Variants in ZNF394 observed in about 807,000 individuals in gnomAD.
The protein encoded by ZNF394 is zinc finger protein 99.
Under a neutral mutation model 21.8 loss-of-function variants are expected in ZNF394, and 19 were observed. That is an observed-to-expected ratio of 0.87 (90% CI 0.61 to 1.28). ZNF394 has a LOEUF of 1.28. ZNF394 is among the 50% of genes most tolerant of loss of function. ZNF394 has a pLI of 0.00. For synonymous variants in ZNF394, 294 were observed against 273.3 expected, an observed-to-expected ratio of 1.08 and a Z score of -0.75; for missense variants, 683 against 708.6, an observed-to-expected ratio of 0.96 and a Z score of 0.41.
At chr7:99,492,582 G>A (rs985720792), downstream of ZNF394, among the ~76,000 whole-genome samples, 1 of 148,356 alleles carries the variant, frequency 6.7e-6, no homozygotes, top group African/African-American at 2.5e-5. Context: ...GGAGGTTGCA[G>A]TGAGCCAAGA....
In ZNF394 at chr7:99,493,447, G is replaced by A. The variant is rs548681261; in HGVS notation, c.*82C>T. The stretch of plus-strand genomic sequence containing the variant: ...CATTTTTGTATTTTTAGTAGAGACA[G>A]GATTTTACCATGTTGGCCAGGCTGG... On this transcript the variant is annotated 3_prime_UTR_variant, in exon 3 of 3. Transcript: ENST00000337673. The A allele has an allele frequency of 5.8e-4, 747 of 1,282,578 alleles. 4 individuals are homozygous for A. Among genetic ancestry groups the A allele is most frequent in the South Asian group, 3.9e-3 (272 of 69,232 alleles). 79.4% of individuals were successfully genotyped at this position (1,282,578 alleles called of 1,614,324 possible).
rs1562896556 is a variant in ZNF394, at chr7:99,500,276, G to GA, written c.-184dup. On this transcript the variant is annotated 5_prime_UTR_variant, in exon 1 of 3. Coordinates refer to ENST00000337673, the MANE Select transcript of ZNF394 (RefSeq NM_032164.4). ...CTACAACTCTCTCGGTCAAACAACCGAAAACATCCCGTGCCGGAAGCGCGT... is the reference window on the plus strand; with the variant it reads ...CTACAACTCTCTCGGTCAAACAACCGAAAAACATCCCGTGCCGGAAGCGCGT... 5 of 558,744 alleles carry GA rather than the reference G, an allele frequency of 8.9e-6. No individual in the cohort carries two copies. The highest frequency in any genetic ancestry group is 1.2e-5 in the Non-Finnish European group (4 of 336,994). The allele number at this position is 558,744 out of a possible 1,614,324, so 34.6% of individuals were successfully genotyped here. A position where few individuals can be genotyped will look rare whatever the true frequency, so the allele number is the denominator to read the frequency against.
Position 99,498,779 on chromosome 7 carries a change from G to T in ZNF394, c.520C>A (p.Pro174Thr). 1 of 1,614,018 alleles carries T rather than the reference G, an allele frequency of 6.2e-7. No individual in the cohort carries two copies. Residue 174 changes from proline to threonine, a missense_variant, in exon 2 of 3, where the codon CCA becomes ACA. Coordinates refer to ENST00000337673, the MANE Select transcript of ZNF394 (RefSeq NM_032164.4). Reference sequence around the variant, plus strand: ...TCTCTGCAGAAGTCCCTCCGTGCTGGGTCCAGGCGCTCCCACTCCTCCCAG... The same window carrying T: ...TCTCTGCAGAAGTCCCTCCGTGCTGTGTCCAGGCGCTCCCACTCCTCCCAG... ...LTWEEWERLD[P>T]ARRDFCRESA... is the part of the protein sequence containing the mutation.
rs147821097 is a variant in ZNF394, at chr7:99,493,551, C to T, written c.1664G>A (p.Gly555Glu). The T allele has an allele frequency of 2.6e-4, 416 of 1,608,728 alleles. No homozygotes were observed. The highest frequency in any genetic ancestry group is 3.3e-4 in the Non-Finnish European group (390 of 1,176,766). Residue 555 changes from glycine to glutamate, a missense_variant, in exon 3 of 3, where the codon GGG (glycine) becomes GAG (glutamate). Transcript: ENST00000337673. Reference sequence around the variant, plus strand: ...GGATTATAGGCGTGAGCCACCACGCCCAGCCGACAGCACTTTATTTTGATG... The same window carrying T: ...GGATTATAGGCGTGAGCCACCACGCTCAGCCGACAGCACTTTATTTTGATG... ...RIHQNKVLSA[G>E]RGGSRL is the part of the protein sequence containing the mutation.
intron 2 of ZNF394, among the ~76,000 whole-genome samples, chr7:99,497,287 G>T: frequency 6.6e-6 from 1 of 150,622 alleles, no homozygotes; most frequent in African/African-American, 2.4e-5. Flanking sequence ...CCATTCTCCC[G>T]CCTCAGCCTC....
chr7:99,496,825 G>A (rs1024040321), intron 2 of ZNF394, among the ~76,000 whole-genome samples: 2 of 151,648 alleles, frequency 1.3e-5, no homozygotes, highest in Admixed American at 6.6e-5. Context: ...TCCCATCTGG[G>A]CCTCCCAAAG....
chr7:99,490,859 A>C (rs921906819), downstream of ZNF394, among the ~76,000 whole-genome samples: 2 of 151,932 alleles, frequency 1.3e-5, no homozygotes, highest in South Asian at 2.1e-4. Flanking sequence ...GATGGCTTCA[A>C]ACTTAGAGGG....
chr7:99,493,296 GC>G lies in ZNF394; in HGVS notation c.*232del. ...TTTTGAGATGGAGTCTCGCTCTGTT[GC>G]CCAGGCTGGAGTGCAGTGGCATGAT... On this transcript the variant is annotated 3_prime_UTR_variant, in exon 3 of 3. Coordinates refer to ENST00000337673, the MANE Select transcript of ZNF394 (RefSeq NM_032164.4). The G allele has an allele frequency of 8.2e-7, 1 of 1,225,980 alleles. No homozygotes were observed. The highest frequency in any genetic ancestry group is 1.0e-6 in the Non-Finnish European group (1 of 973,294). The allele number at this position is 1,225,980 out of a possible 1,614,324, so 75.9% of individuals were successfully genotyped here. A position where few individuals can be genotyped will look rare whatever the true frequency, so the allele number is the denominator to read the frequency against.
rs528603760 is a variant in ZNF394, at chr7:99,488,043, G to A, written n.84-1080C>T. 2.2e-5 allele frequency among the ~76,000 whole-genome samples: 3 copies of A among 138,772 alleles called. No individual in the cohort carries two copies. In the South Asian group the frequency reaches 6.6e-4, roughly 31 times the overall value. The allele number at this position is 138,772 out of a possible 152,430, so 91.0% of individuals were successfully genotyped here. A position where few individuals can be genotyped will look rare whatever the true frequency, so the allele number is the denominator to read the frequency against. ...GCTGAGATCGTGCCACTGCACTCCAGCCTGGGCGACAGAGCGAGACTCCGT... is the reference window on the plus strand; with the variant it reads ...GCTGAGATCGTGCCACTGCACTCCAACCTGGGCGACAGAGCGAGACTCCGT... On this transcript the variant is annotated intron_variant and non_coding_transcript_variant, in intron 1 of 1. Coordinates refer to the ZNF394 transcript ENST00000462024.
Position 99,494,591 on chromosome 7 carries a change from C to T in ZNF394, c.624G>A (p.Met208Ile). ...GCTCCGCTTCTTCTAAAATTTGTTG[C>T]ATTGGAATCAACTCTTTGTTCTCCA... The part of the protein sequence containing the change: ...SRVENKELIP[M>I]QQILEEAEPQ... The change falls in exon 3 of 3, where the codon ATG becomes ATA. Residue 208 changes from methionine (M) to isoleucine (I), a missense_variant. Transcript: ENST00000337673. 6.2e-7 allele frequency: 1 copy of T among 1,601,802 alleles called. No individual in the cohort carries two copies. The highest frequency in any genetic ancestry group is 8.5e-7 in the Non-Finnish European group (1 of 1,176,546).
At position 99,493,777 on chromosome 7, in the gene ZNF394, G is replaced by A. The variant is rs879129210; in HGVS notation, c.1438C>T (p.Gln480Ter). ...KCEECEKSFK[Q>*]RSDLFKHHRI... ...TGGTGTTTAAAGAGGTCAGAGCGCT[G>A]TTTGAAGCTCTTCTCGCATTCTTCA... The change falls in exon 3 of 3, where the codon CAG (glutamine) becomes TAG (stop). Residue 480 changes from glutamine (Q) to a stop codon, truncating the protein, a stop_gained. Coordinates refer to ENST00000337673, the MANE Select transcript of ZNF394 (RefSeq NM_032164.4). LOFTEE classifies it low-confidence loss of function (END_TRUNC). 4 of 1,614,192 alleles carry A rather than the reference G, an allele frequency of 2.5e-6. No individual in the cohort carries two copies. The highest frequency in any genetic ancestry group is 3.4e-6 in the Non-Finnish European group (4 of 1,180,030).
At chr7:99,496,352 G>A (rs551692897) in intron 2 of ZNF394, among the ~76,000 whole-genome samples, 53 of 151,046 alleles carry the variant, frequency 3.5e-4, no homozygotes, top group Non-Finnish European at 6.5e-4. Flanking sequence ...CACCACACCC[G>A]GCACAAGGGA....
intron 1 of ZNF394, 64 bp from the exon 2 acceptor site, chr7:99,498,906 G>T: frequency 6.5e-7 from 1 of 1,542,318 alleles, no homozygotes; most frequent in Non-Finnish European, 8.8e-7. Context: ...CACTCTTCTT[G>T]AGTCTTGTAC....
rs1051646615 is a variant in ZNF394, at chr7:99,500,278, A to C, written c.-185T>G. On this transcript the variant is annotated 5_prime_UTR_variant, in exon 1 of 3. Transcript: ENST00000337673. ...ACAACTCTCTCGGTCAAACAACCGA[A>C]AACATCCCGTGCCGGAAGCGCGTCA... 5.4e-6 allele frequency: 3 copies of C among 557,082 alleles called. No homozygotes were observed. The highest frequency in any genetic ancestry group is 9.0e-6 in the Non-Finnish European group (3 of 334,996). 34.5% of individuals were successfully genotyped at this position (557,082 alleles called of 1,614,324 possible).
intron 1 of ZNF394, among the ~76,000 whole-genome samples, chr7:99,499,377 AAAC>A (rs545280573): frequency 2.2e-4 from 34 of 151,666 alleles, no homozygotes; most frequent in Non-Finnish European, 4.4e-4. Flanking sequence ...ACTCCATCTC[AAAC>A]AACAGCAAGA....
In ZNF394 at chr7:99,500,198, G is replaced by GGGCCCCACCACACCA. The variant is rs1184906822; in HGVS notation, c.-120_-106dup. On this transcript the variant is annotated 5_prime_UTR_variant, in exon 1 of 3. Transcript: ENST00000337673. ...TCAACACCCTCCGGTCCCAAACACC[G>GGGCCCCACCACACCA]GGCCCCACCACACCAGGCCCCTCTC... The GGGCCCCACCACACCA allele has an allele frequency of 1.7e-6, 2 of 1,170,202 alleles. No individual in the cohort carries two copies. 72.5% of individuals were successfully genotyped at this position (1,170,202 alleles called of 1,614,324 possible). A position where few individuals can be genotyped will look rare whatever the true frequency, so the allele number is the denominator to read the frequency against.
chr7:99,499,553 A>T, intron 1 of ZNF394, 85 bp downstream of exon 1: 2 of 1,244,942 alleles, frequency 1.6e-6, no homozygotes, highest in South Asian at 2.9e-5. Flanking sequence ...GAAATGTAAT[A>T]AGGAAGTAAG....
In ZNF394 at chr7:99,500,071, T is replaced by C. The variant is rs151209671; in HGVS notation, c.23A>G (p.Gln8Arg). MNSSLTA[Q>R]RRGSDAELGP... ...CAACTCGGCGTCACTGCCGCGCCTC[T>C]GGGCGGTCAAGCTGGAATTCATCTT... The change falls in exon 1 of 3, where the codon CAG (glutamine) becomes CGG (arginine). Residue 8 changes from glutamine to arginine, a missense_variant. Transcript: ENST00000337673. 122 of 1,569,858 alleles carry C rather than the reference T, an allele frequency of 7.8e-5. 1 individual carries two copies. Among genetic ancestry groups the C allele is most frequent in the East Asian group, 5.2e-4 (23 of 44,566 alleles).
intron 1 of ZNF394, chr7:99,487,047 C>A: frequency 1.2e-6 from 2 of 1,614,002 alleles, no homozygotes; most frequent in Non-Finnish European, 1.7e-6. Flanking sequence ...AGAGGATTCA[C>A]ACCAAAGAAA....
Sources: gnomAD v4.1 joint callset for allele counts (sites outside exome capture counted in the v4.1 genomes callset) on GRCh38, gnomAD v4.1.1 for gene constraint, MANE v1.5 for transcripts, NCBI Gene and HGNC (gene_info 2026-07-23, HGNC 2026-07-21) for gene names.